The following GTF2H1 variants were observed in gnomAD, a reference collection of about 807,000 sequenced individuals.
GTF2H1 encodes general transcription factor IIH subunit 1, also known as BTF2 p62.
GTF2H1 carries 16 observed loss-of-function variants against 71.2 expected under a neutral mutation model. The ratio of observed to expected loss-of-function variants is 0.22; its 90% CI spans 0.15 to 0.34. The LOEUF is 0.34. GTF2H1 is among the 10% of genes least tolerant of loss of function. The pLI is 1.00. For missense variants in GTF2H1, 498 were observed against 648.2 expected (o/e 0.77, Z 2.52); for synonymous variants, 215 against 219.0 (o/e 0.98, Z 0.16).
intron 7 of GTF2H1, among the ~76,000 whole-genome samples, chr11:18,342,302 C>T (rs1317977699): frequency 8.1e-6 from 1 of 123,790 alleles, no homozygotes; most frequent in Non-Finnish European, 1.6e-5. Flanking sequence ...CACTCTGTTG[C>T]CCAGGCTGGA....
rs1388597728 is a variant in GTF2H1 at position 18,360,704 on chromosome 11, A to G, written c.1557A>G (p.Thr519=). The change falls in exon 14 of 15, where the codon ACA becomes ACG. Residue 519 remains threonine (T), a synonymous_variant. Coordinates refer to ENST00000265963, the MANE Select transcript of GTF2H1 (RefSeq NM_005316.4). ...QEKIRRQYLS[T]NLVSHIEEML... is the part of the protein sequence containing the mutation. ...AGATTCGGAGACAGTATTTAAGCACAAATGTAAGGCAGCAATCTGATTTTT... is the reference window on the plus strand; with the variant it reads ...AGATTCGGAGACAGTATTTAAGCACGAATGTAAGGCAGCAATCTGATTTTT... The G allele has an allele frequency of 6.6e-7, 1 of 1,510,668 alleles. No homozygotes were observed. Among genetic ancestry groups the G allele is most frequent in the Non-Finnish European group, 9.0e-7 (1 of 1,110,358 alleles). 93.6% of individuals were successfully genotyped at this position (1,510,668 alleles called of 1,614,324 possible). A position where few individuals can be genotyped will look rare whatever the true frequency, so the allele number is the denominator to read the frequency against.
chr11:18,346,196 A>G (rs890358727), intron 7 of GTF2H1, among the ~76,000 whole-genome samples: 1 of 152,148 alleles, frequency 6.6e-6, no homozygotes, highest in Non-Finnish European at 1.5e-5. Flanking sequence ...AATATGTACT[A>G]CATTGCTGCT....
At chr11:18,363,244 C>T (rs551769254) in intron 14 of GTF2H1, among the ~76,000 whole-genome samples, 69 of 151,978 alleles carry the variant, frequency 4.5e-4, no homozygotes, top group African/African-American at 1.5e-3. Context: ...AGGAGTACAC[C>T]GTAAATAATG....
At chr11:18,324,047 C>G (rs1864680652) in intron 1 of GTF2H1, among the ~76,000 whole-genome samples, 1 of 107,062 alleles carries the variant, frequency 9.3e-6, no homozygotes, top group Non-Finnish European at 1.9e-5. Context: ...CCTCACTCAG[C>G]CGACATTTTT....
chr11:18,341,184 T>C (rs1865147927), intron 5 of GTF2H1, 77 bp from the exon 6 acceptor site: 2 of 1,106,950 alleles, frequency 1.8e-6, no homozygotes, highest in East Asian at 4.9e-5. Flanking sequence ...TTTTGCTATT[T>C]GTATTTCAGT....
At chr11:18,346,732 A>ATTT (rs1865302683) in intron 7 of GTF2H1, among the ~76,000 whole-genome samples, 1 of 56,890 alleles carries the variant, frequency 1.8e-5, no homozygotes, top group South Asian at 5.6e-4. Flanking sequence ...CTTTTTATTT[A>ATTT]CTTTTTTTTT....
intron 5 of GTF2H1, among the ~76,000 whole-genome samples, 154 bp downstream of exon 5, chr11:18,339,811 G>A (rs1287040494): frequency 2.6e-5 from 4 of 152,136 alleles, no homozygotes; most frequent in Admixed American, 6.5e-5. Flanking sequence ...GATACTAGGG[G>A]CTCAGTAAAT....
chr11:18,330,191 C>T (rs1157942035), intron 1 of GTF2H1, among the ~76,000 whole-genome samples: 1 of 152,224 alleles, frequency 6.6e-6, no homozygotes, highest in Non-Finnish European at 1.5e-5. Flanking sequence ...GCAAACATTT[C>T]TCATGGCTTT....
chr11:18,330,415 T>A (rs1282326998), intron 1 of GTF2H1, among the ~76,000 whole-genome samples: 8 of 152,236 alleles, frequency 5.3e-5, no homozygotes, highest in Non-Finnish European at 2.9e-5. Context: ...AGCGGAGAGC[T>A]GACTGCAAGG....
intron 11 of GTF2H1, among the ~76,000 whole-genome samples, chr11:18,353,092 G>A (rs893445236): frequency 3.3e-5 from 5 of 152,154 alleles, no homozygotes; most frequent in African/African-American, 9.7e-5. Context: ...GGGCGTGGTG[G>A]CACACACCTG....
At chr11:18,346,984 C>T (rs983272890) in intron 7 of GTF2H1, 4 of 150,946 alleles carry the variant, frequency 2.6e-5, no homozygotes, top group Admixed American at 2.6e-4. Context: ...AGGTGACTCG[C>T]CCACCTTGGC....
chr11:18,331,905 G>C (rs948981804), intron 1 of GTF2H1, among the ~76,000 whole-genome samples: 2 of 152,268 alleles, frequency 1.3e-5, no homozygotes, highest in African/African-American at 4.8e-5. Context: ...AGTCACCCAG[G>C]TTGGAGTACG....
intron 4 of GTF2H1, among the ~76,000 whole-genome samples, chr11:18,339,203 C>T (rs1052429231): frequency 1.3e-5 from 2 of 152,052 alleles, no homozygotes; most frequent in African/African-American, 4.8e-5. Context: ...AGGCCTTTCC[C>T]AAAGAAGTCA....
At chr11:18,350,446 A>T (rs1185374766) in intron 9 of GTF2H1, among the ~76,000 whole-genome samples, 1 of 152,188 alleles carries the variant, frequency 6.6e-6, no homozygotes, top group Non-Finnish European at 1.5e-5. Context: ...GTTAAAAAAA[A>T]AAAAGTCAGG....
rs376390337 is a variant in GTF2H1 at position 18,358,062 on chromosome 11, C to G, written c.1351+20C>G. The G allele has an allele frequency of 6.5e-7, 1 of 1,542,816 alleles. No homozygotes were observed. Among genetic ancestry groups the G allele is most frequent in the Non-Finnish European group, 9.0e-7 (1 of 1,117,096 alleles). On this transcript the variant is annotated intron_variant, in intron 12 of 14. Coordinates refer to ENST00000265963, the MANE Select transcript of GTF2H1 (RefSeq NM_005316.4). ...TAAACCGTATGTGCCGGGCCATCTT[C>G]TACTACTTTCTGCCTAAATCAGCTT...
At chr11:18,329,472 G>C (rs1180419425) in intron 1 of GTF2H1, among the ~76,000 whole-genome samples, 1 of 152,218 alleles carries the variant, frequency 6.6e-6, no homozygotes, top group Non-Finnish European at 1.5e-5. Context: ...TCATTCTGCT[G>C]CTTCAGTGGT....
chr11:18,322,916 C>T (rs977039549), intron 1 of GTF2H1, among the ~76,000 whole-genome samples, 176 bp downstream of exon 1: 2 of 152,186 alleles, frequency 1.3e-5, no homozygotes, highest in African/African-American at 4.8e-5. Context: ...GAGGAAGAGG[C>T]GACCCCTAAT....
chr11:18,326,940 G>A (rs1290296377), intron 1 of GTF2H1, among the ~76,000 whole-genome samples: 3 of 151,862 alleles, frequency 2.0e-5, no homozygotes, highest in Non-Finnish European at 4.4e-5. Context: ...TTTAAAATAT[G>A]TTCTCTAACT....
Position 18,360,647 on chromosome 11 carries a change from C to G in GTF2H1, c.1500C>G (p.Phe500Leu), listed in dbSNP as rs559241320. 4 of 1,560,794 alleles carry G rather than the reference C, an allele frequency of 2.6e-6. No homozygotes were observed. In the South Asian group the frequency reaches 4.9e-5, roughly 19 times the overall value. ...AAATGAAAAGTAATTTGGAACGATTCCAAGTTACGAAGCTCTGTCCATTCC... is the reference window on the plus strand; with the variant it reads ...AAATGAAAAGTAATTTGGAACGATTGCAAGTTACGAAGCTCTGTCCATTCC... ...VVKMKSNLER[F>L]QVTKLCPFQE... is the part of the protein sequence containing the mutation. The change falls in exon 14 of 15, where the codon TTC becomes TTG. Residue 500 changes from phenylalanine (F) to leucine (L), a missense_variant. Around this residue, in one of 3 missense-constraint regions of GTF2H1, gnomAD observed 266 missense variants for 301.6 expected, o/e 0.88. Coordinates refer to ENST00000265963, the MANE Select transcript of GTF2H1 (RefSeq NM_005316.4).
Sources: allele counts gnomAD v4.1 joint callset (sites outside exome capture counted in the v4.1 genomes callset), GRCh38; gene constraint gnomAD v4.1.1; regional missense constraint gnomAD v4.1.1; transcripts MANE v1.5; gene names NCBI Gene and HGNC (gene_info 2026-07-23, HGNC 2026-07-21).